The following C8orf88 variants were observed in gnomAD, a reference collection of about 807,000 sequenced individuals.
The protein encoded by C8orf88 is chromosome 8 open reading frame 88.
In C8orf88, 14 loss-of-function variants were observed where a neutral mutation model predicts 18.4. The observed-to-expected ratio is 0.76, with a 90% CI of 0.50 to 1.19. The LOEUF (loss-of-function observed/expected upper bound fraction) is 1.19, where lower values mean the gene tolerates loss of function less well. Among genes scored for constraint, C8orf88 ranks in the 50% most tolerant of loss-of-function variants. C8orf88 has a pLI of 0.00. For missense variants in C8orf88, 116 were observed against 134.7 expected (o/e 0.86, Z 0.69); for synonymous variants, 45 against 42.9 (o/e 1.05, Z -0.19).
chr8:90,963,412 C>T (rs571503243), intron 4 of C8orf88, among the ~76,000 whole-genome samples: 1 of 151,604 alleles, frequency 6.6e-6, no homozygotes, highest in East Asian at 1.9e-4. Context: ...TCAACCACCA[C>T]AACAAAAATT....
At chr8:90,971,897 C>T (rs1316739744) in intron 3 of C8orf88, among the ~76,000 whole-genome samples, 1 of 151,824 alleles carries the variant, frequency 6.6e-6, no homozygotes, top group Admixed American at 6.6e-5. Context: ...TAAGAGGAAC[C>T]CAGAACGCAA....
At chr8:90,981,900 A>G (rs1280788116) in intron 1 of C8orf88, among the ~76,000 whole-genome samples, 1 of 152,166 alleles carries the variant, frequency 6.6e-6, no homozygotes, top group Non-Finnish European at 1.5e-5. Context: ...ACCATATGAT[A>G]TTAAGCAAAT....
chr8:90,959,029 T>C lies in C8orf88; in HGVS notation c.332A>G (p.Glu111Gly), dbSNP rs1186933467. Residue 111 changes from glutamate to glycine, a missense_variant and splice_region_variant, in exon 6 of 6, where the codon GAA (glutamate) becomes GGA (glycine). By Grantham distance (98) the Glu-to-Gly change is moderately conservative. Transcript: ENST00000517562. ...ATGCTACTTAAAACTTTGGTTGTTTTCCTGTAATATAAAAGAAAAAGTTAA... is the reference window on the plus strand; with the variant it reads ...ATGCTACTTAAAACTTTGGTTGTTTCCCTGTAATATAAAAGAAAAAGTTAA... ...PDHPIVLQKP[E>G]NNQSFK 5.2e-6 allele frequency: 7 copies of C among 1,358,046 alleles called. No homozygotes were observed. The highest frequency in any genetic ancestry group is 6.9e-6 in the Non-Finnish European group (7 of 1,012,306). 84.1% of individuals were successfully genotyped at this position (1,358,046 alleles called of 1,614,324 possible). A position where few individuals can be genotyped will look rare whatever the true frequency, so the allele number is the denominator to read the frequency against.
intron 4 of C8orf88, among the ~76,000 whole-genome samples, chr8:90,964,092 C>G (rs186201478): frequency 1.1e-3 from 174 of 151,694 alleles, no homozygotes; most frequent in African/African-American, 3.9e-3. Context: ...GATTCTGTGA[C>G]CAAAGACTCT....
chr8:90,980,621 T>C (rs541705558), intron 1 of C8orf88, among the ~76,000 whole-genome samples, 160 bp from the exon 2 acceptor site: 70 of 152,318 alleles, frequency 4.6e-4, no homozygotes, highest in African/African-American at 1.7e-3. Context: ...CTCAGACTCC[T>C]TTTATAGCAT....
At chr8:90,970,378 T>C (rs1236742430) in intron 4 of C8orf88, among the ~76,000 whole-genome samples, 1 of 152,036 alleles carries the variant, frequency 6.6e-6, no homozygotes, top group African/African-American at 2.4e-5. Flanking sequence ...TAATGGTCTT[T>C]TCATACTTCA....
intron 4 of C8orf88, among the ~76,000 whole-genome samples, chr8:90,966,145 C>T (rs1811192238): frequency 6.6e-6 from 1 of 151,358 alleles, no homozygotes; most frequent in South Asian, 2.1e-4. Context: ...AAATGTGGCA[C>T]ATATACACCA....
At chr8:90,984,200 T>C (rs1216693224) in intron 1 of C8orf88, among the ~76,000 whole-genome samples, 3 of 152,220 alleles carry the variant, frequency 2.0e-5, no homozygotes, top group Non-Finnish European at 4.4e-5. Flanking sequence ...AATAAGATCA[T>C]ATAAAGTGAA....
rs1368040763 is a variant in C8orf88 at position 90,981,171 on chromosome 8, A to C, written c.-26-710T>G. 5.9e-5 allele frequency among the ~76,000 whole-genome samples: 9 copies of C among 152,152 alleles called. No individual in the cohort carries two copies. The East Asian group carries it at 1.7e-3, about 29-fold the overall frequency. ...TTATCACAGGTACCTCAAATTCAAC[A>C]TATCTAAAATCTAATTAATAACTTT... On this transcript the variant is annotated intron_variant, in intron 1 of 5. Coordinates refer to ENST00000517562, the MANE Select transcript of C8orf88 (RefSeq NM_001190972.2).
At chr8:90,966,836 G>A (rs1811206982) in intron 4 of C8orf88, among the ~76,000 whole-genome samples, 1 of 151,874 alleles carries the variant, frequency 6.6e-6, no homozygotes, top group Admixed American at 6.6e-5. Context: ...GAAAATGCAT[G>A]GCTGACTAGA....
In C8orf88 at chr8:90,960,785, T is replaced by G. The variant is rs996468663; in HGVS notation, c.287A>C (p.Lys96Thr). Residue 96 changes from lysine to threonine, a missense_variant, in exon 5 of 6, where the codon AAA becomes ACA. Physicochemically the swap from Lys to Thr is moderately conservative, Grantham distance 78. Coordinates refer to ENST00000517562, the MANE Select transcript of C8orf88 (RefSeq NM_001190972.2). ...GGGATGATCAGGCAGAAAGTCTGGT[T>G]TTTTTCTGCAGATGGAAACACTTGA... is the stretch of plus-strand genomic sequence containing the variant. ...KLSSVSICRK[K>T]PDFLPDHPIV... 3.3e-6 allele frequency: 5 copies of G among 1,531,544 alleles called. No individual in the cohort carries two copies. The highest frequency in any genetic ancestry group is 4.4e-6 in the Non-Finnish European group (5 of 1,143,678). The allele number at this position is 1,531,544 out of a possible 1,614,324, so 94.9% of individuals were successfully genotyped here.
chr8:90,979,535 G>C (rs1480560537), intron 2 of C8orf88, among the ~76,000 whole-genome samples: 1 of 152,186 alleles, frequency 6.6e-6, no homozygotes, highest in Non-Finnish European at 1.5e-5. Flanking sequence ...CATCTTCCTT[G>C]AAGGATCCAA....
chr8:90,968,726 T>C (rs1216419242), intron 4 of C8orf88, among the ~76,000 whole-genome samples: 1 of 136,782 alleles, frequency 7.3e-6, no homozygotes, highest in African/African-American at 2.7e-5. Flanking sequence ...AGGAGAATAA[T>C]AGATAATAGA....
At chr8:90,973,636 C>T (rs1431831302) in intron 3 of C8orf88, among the ~76,000 whole-genome samples, 1 of 152,114 alleles carries the variant, frequency 6.6e-6, no homozygotes, top group African/African-American at 2.4e-5. Context: ...GCATATACCA[C>T]CATACCCAGC....
intron 1 of C8orf88, among the ~76,000 whole-genome samples, chr8:90,984,278 AT>A (rs1389722955): frequency 1.3e-5 from 2 of 152,212 alleles, no homozygotes; most frequent in Non-Finnish European, 2.9e-5. Context: ...ACCAGATAAA[AT>A]TTCATCTCAA....
At chr8:90,971,029 T>C (rs896775554) in intron 4 of C8orf88, 37 bp downstream of exon 4, 1 of 1,229,004 alleles carries the variant, frequency 8.1e-7, no homozygotes, top group Admixed American at 2.3e-5. Context: ...TGCTAAGACA[T>C]TCAATGATAA....
chr8:90,970,914 A>G (rs1276225526), intron 4 of C8orf88, among the ~76,000 whole-genome samples, 152 bp downstream of exon 4: 1 of 152,072 alleles, frequency 6.6e-6, no homozygotes, highest in African/African-American at 2.4e-5. Context: ...AAAGCAGTCA[A>G]AGTGGTAGCC....
intron 2 of C8orf88, 52 bp downstream of exon 2, chr8:90,980,311 A>T: frequency 9.1e-7 from 1 of 1,093,530 alleles, no homozygotes; most frequent in Non-Finnish European, 1.2e-6. Flanking sequence ...TTCAAATACT[A>T]ATTAGTCATT....
intron 3 of C8orf88, among the ~76,000 whole-genome samples, chr8:90,977,564 G>C (rs947229138): frequency 6.6e-6 from 1 of 152,144 alleles, no homozygotes; most frequent in Non-Finnish European, 1.5e-5. Flanking sequence ...ATATTTAACT[G>C]CTTTATTCAT....
Sources: gnomAD v4.1 joint callset for allele counts (sites outside exome capture counted in the v4.1 genomes callset) on GRCh38, gnomAD v4.1.1 for gene constraint, MANE v1.5 for transcripts, NCBI Gene and HGNC (gene_info 2026-07-23, HGNC 2026-07-21) for gene names.